The following AOPEP variants were observed in gnomAD, a reference collection of about 807,000 sequenced individuals.
AOPEP encodes the protein aminopeptidase O (putative).
Under a neutral mutation model 98.1 loss-of-function variants are expected in AOPEP, and 77 were observed. That is an observed-to-expected ratio of 0.78 (90% CI 0.65 to 0.95). The LOEUF is 0.95. Ranked by LOEUF, AOPEP falls within the 40% of genes least tolerant of loss-of-function variation. The pLI is 0.00. For synonymous variants in AOPEP, 346 were observed against 365.3 expected, an observed-to-expected ratio of 0.95 and a Z score of 0.60; for missense variants, 1,024 against 1,024.7, an observed-to-expected ratio of 1.00 and a Z score of 0.01.
chr9:95,138,515 G>A, the AOPEP span, among the ~76,000 whole-genome samples: 5 of 152,178 alleles, frequency 3.3e-5, no homozygotes, highest in South Asian at 2.1e-4. Flanking sequence ...AGGAGAGTTC[G>A]CCTCTCAGTG....
rs565980223 is a variant in AOPEP at position 94,820,261 on chromosome 9, T to C, written c.1364+19259T>C. 4.6e-5 allele frequency among the ~76,000 whole-genome samples: 7 copies of C among 152,280 alleles called. No homozygotes were observed. The East Asian group carries it at 9.7e-4, about 21-fold the overall frequency. ...GCGCCTGGCCAGTGCAATTCTTTTA[T>C]GTTTTTGTTCCCCACCTCTGTTCCG... On this transcript the variant is annotated intron_variant, in intron 5 of 16. Transcript: ENST00000375315.
chr9:94,745,252 C>T (rs1364507012), intron 1 of AOPEP, among the ~76,000 whole-genome samples: 1 of 151,844 alleles, frequency 6.6e-6, no homozygotes, highest in Non-Finnish European at 1.5e-5. Context: ...CCAGTGTACT[C>T]TATCTGCATG....
intron 14 of AOPEP, among the ~76,000 whole-genome samples, chr9:95,064,682 T>C (rs1179599929): frequency 6.6e-6 from 1 of 152,218 alleles, no homozygotes; most frequent in East Asian, 1.9e-4. Context: ...TACTAATACA[T>C]TGTTTACTTG....
chr9:94,994,963 AAAG>A (rs2132441412), intron 11 of AOPEP, among the ~76,000 whole-genome samples: 1 of 152,318 alleles, frequency 6.6e-6, no homozygotes, highest in Non-Finnish European at 1.5e-5. Context: ...AAACAGAAAA[AAAG>A]AAGTATCAAA....
At chr9:95,093,988 AG>A in the AOPEP span, among the ~76,000 whole-genome samples, 65 of 152,266 alleles carry the variant, frequency 4.3e-4, no homozygotes, top group South Asian at 5.2e-3. Flanking sequence ...CCCGGGCTCA[AG>A]GGTAAGAGTG....
intron 11 of AOPEP, among the ~76,000 whole-genome samples, chr9:94,989,064 C>T (rs1376639358): frequency 1.3e-5 from 2 of 151,630 alleles, no homozygotes. Context: ...ATTACAGGTG[C>T]ACGACACCAC....
At chr9:94,925,394 A>G (rs1214207841) in intron 6 of AOPEP, among the ~76,000 whole-genome samples, 13 of 152,194 alleles carry the variant, frequency 8.5e-5, no homozygotes. Context: ...GCATACCTGC[A>G]TGATATTGTT....
intron 13 of AOPEP, among the ~76,000 whole-genome samples, chr9:95,026,986 G>C (rs2063891828): frequency 6.6e-6 from 1 of 152,212 alleles, no homozygotes; most frequent in South Asian, 2.1e-4. Context: ...TGTAGGGTGG[G>C]AGTGGTGGCT....
At chr9:94,871,392 G>GT (rs2046331330) in intron 5 of AOPEP, among the ~76,000 whole-genome samples, 1 of 152,156 alleles carries the variant, frequency 6.6e-6, no homozygotes, top group Non-Finnish European at 1.5e-5. Context: ...ACCACCCTGC[G>GT]TAATGGTGGC....
At chr9:94,970,505 A>G (rs1421632476) in intron 10 of AOPEP, among the ~76,000 whole-genome samples, 1 of 152,008 alleles carries the variant, frequency 6.6e-6, no homozygotes, top group Non-Finnish European at 1.5e-5. Context: ...CTTTGTTTCT[A>G]CCTTTTCATG....
At chr9:94,846,482 C>T (rs968557792) in intron 5 of AOPEP, among the ~76,000 whole-genome samples, 5 of 152,142 alleles carry the variant, frequency 3.3e-5, no homozygotes, top group African/African-American at 1.2e-4. Flanking sequence ...GCAGCTCTTT[C>T]AGGGAGTCCT....
chr9:94,819,806 C>G (rs901466197), intron 5 of AOPEP, among the ~76,000 whole-genome samples: 11 of 151,934 alleles, frequency 7.2e-5, no homozygotes, highest in Non-Finnish European at 1.5e-5. Context: ...CTCTGAGGCT[C>G]AAGCAATCCT....
intron 11 of AOPEP, among the ~76,000 whole-genome samples, chr9:94,979,902 C>A (rs2060077999): frequency 1.3e-5 from 2 of 152,212 alleles, no homozygotes; most frequent in Admixed American, 6.5e-5. Flanking sequence ...CCCTGACACG[C>A]CTGTGGCTCC....
chr9:95,061,643 G>T lies in AOPEP; in HGVS notation c.2232+833G>T, dbSNP rs2067325736. Among the ~76,000 whole-genome samples, 3 of 152,198 alleles carry T rather than the reference G, an allele frequency of 2.0e-5. No individual in the cohort carries two copies. The South Asian group carries it at 6.2e-4, about 31-fold the overall frequency. On this transcript the variant is annotated intron_variant, in intron 14 of 16. Coordinates refer to ENST00000375315, the MANE Select transcript of AOPEP (RefSeq NM_001193329.3). ...TTAATGTGTCCCAATTGATTATAGT[G>T]TTAGTGATATTTGGGATATATTAGG... is the stretch of plus-strand genomic sequence containing the variant.
the AOPEP span, chr9:95,100,045 G>A: frequency 7.6e-3 from 1,773 of 232,368 alleles, 30 homozygotes; most frequent in African/African-American, 0.037. Context: ...CCACAGAGGA[G>A]TCACAGCTTC....
intron 9 of AOPEP, among the ~76,000 whole-genome samples, chr9:94,956,771 A>G (rs1564444737): frequency 6.6e-6 from 1 of 152,228 alleles, no homozygotes; most frequent in East Asian, 1.9e-4. Context: ...CATCCTTAGC[A>G]TAGATTGGAC....
intron 9 of AOPEP, among the ~76,000 whole-genome samples, chr9:94,960,342 C>T (rs572671215): frequency 3.3e-5 from 5 of 149,704 alleles, no homozygotes; most frequent in African/African-American, 9.9e-5. Flanking sequence ...ACCCAGGAGG[C>T]GGGGGTTGCA....
chr9:95,083,083 G>T (rs575114697), intron 16 of AOPEP: 1 of 220,720 alleles, frequency 4.5e-6, no homozygotes, highest in South Asian at 7.0e-5. Context: ...TGGCAGAAGC[G>T]CTGGTCCAGT....
chr9:95,076,464 C>G (rs2069080986), intron 14 of AOPEP, among the ~76,000 whole-genome samples: 2 of 152,162 alleles, frequency 1.3e-5, no homozygotes, highest in African/African-American at 4.8e-5. Flanking sequence ...TCTCGCTAAT[C>G]TTAGCATTAT....
Sources: gnomAD v4.1 joint callset for allele counts (sites outside exome capture counted in the v4.1 genomes callset) on GRCh38, gnomAD v4.1.1 for gene constraint, MANE v1.5 for transcripts, NCBI Gene and HGNC (gene_info 2026-07-23, HGNC 2026-07-21) for gene names.